LRRC4C: variants seen among roughly 807,000 people sequenced by gnomAD.
The protein encoded by LRRC4C is leucine-rich repeat-containing protein 4C.
A neutral mutation model predicts 33.6 loss-of-function variants in LRRC4C; 5 were observed. The ratio of observed to expected loss-of-function variants is 0.15; its 90% confidence interval spans 0.08 to 0.31. The LOEUF is 0.31. Among genes scored for constraint, LRRC4C ranks in the 10% least tolerant of loss-of-function variants. LRRC4C has a pLI of 1.00. For missense variants in LRRC4C, 560 were observed against 796.7 expected, an observed-to-expected ratio of 0.70 and a Z score of 3.58; for synonymous variants, 329 against 302.0, an observed-to-expected ratio of 1.09 and a Z score of -0.93.
intron 5 of LRRC4C, among the ~76,000 whole-genome samples, chr11:40,240,366 C>T (rs1195214662): frequency 6.6e-6 from 1 of 152,140 alleles, no homozygotes; most frequent in Non-Finnish European, 1.5e-5. Flanking sequence ...ACCTCCATGT[C>T]TAATGGTTTG....
At chr11:40,579,901 G>C (rs1958391147) in intron 3 of LRRC4C, among the ~76,000 whole-genome samples, 1 of 152,118 alleles carries the variant, frequency 6.6e-6, no homozygotes, top group Non-Finnish European at 1.5e-5. Context: ...CCTCACTTCT[G>C]TTCCTTTTAC....
At chr11:41,083,068 C>T (rs1939698018) in intron 1 of LRRC4C, among the ~76,000 whole-genome samples, 1 of 151,934 alleles carries the variant, frequency 6.6e-6, no homozygotes, top group South Asian at 2.1e-4. Context: ...GTTAGGGCAC[C>T]TTTATTCACC....
chr11:41,265,133 A>G (rs1303922495), intron 1 of LRRC4C, among the ~76,000 whole-genome samples: 1 of 152,172 alleles, frequency 6.6e-6, no homozygotes, highest in East Asian at 1.9e-4. Flanking sequence ...GTGACTAAAC[A>G]CCTTAAAGTA....
At chr11:40,725,233 G>T (rs1324826242) in intron 2 of LRRC4C, among the ~76,000 whole-genome samples, 5 of 152,218 alleles carry the variant, frequency 3.3e-5, no homozygotes, top group African/African-American at 1.2e-4. Flanking sequence ...GAGGCCGGGT[G>T]CAGTGGCTCA....
At chr11:41,432,683 G>A (rs1186489328) in intron 1 of LRRC4C, among the ~76,000 whole-genome samples, 2 of 151,942 alleles carry the variant, frequency 1.3e-5, no homozygotes, top group Non-Finnish European at 2.9e-5. Flanking sequence ...CACAGACATG[G>A]AGTCTCCCTA....
chr11:40,804,173 A>G (rs1055367882), intron 2 of LRRC4C, among the ~76,000 whole-genome samples: 1 of 152,132 alleles, frequency 6.6e-6, no homozygotes, highest in Admixed American at 6.6e-5. Flanking sequence ...ATCTTCTCAT[A>G]GACTCCCCTT....
intron 2 of LRRC4C, among the ~76,000 whole-genome samples, chr11:40,883,893 GT>G (rs5791406): frequency 2.0e-3 from 290 of 146,284 alleles, no homozygotes; most frequent in South Asian, 2.2e-3. Context: ...CCATAAGCTA[GT>G]TTTTTTTTTT....
chr11:41,095,298 C>A (rs183936264), intron 1 of LRRC4C, among the ~76,000 whole-genome samples: 1 of 152,234 alleles, frequency 6.6e-6, no homozygotes, highest in East Asian at 1.9e-4. Flanking sequence ...AAAATCCACC[C>A]CCATAATCCA....
intron 2 of LRRC4C, among the ~76,000 whole-genome samples, chr11:40,784,080 T>A (rs1041039454): frequency 6.6e-6 from 1 of 150,688 alleles, no homozygotes; most frequent in East Asian, 1.9e-4. Context: ...AGATGTTTAT[T>A]TATATATATA....
At chr11:40,447,973 T>G (rs1321256843) in intron 3 of LRRC4C, among the ~76,000 whole-genome samples, 2 of 152,148 alleles carry the variant, frequency 1.3e-5, no homozygotes, top group African/African-American at 4.8e-5. Flanking sequence ...CTTGCCACCA[T>G]GGCCAACTAA....
At chr11:41,449,480 A>T (rs1461490677) in intron 1 of LRRC4C, among the ~76,000 whole-genome samples, 1 of 152,160 alleles carries the variant, frequency 6.6e-6, no homozygotes, top group Non-Finnish European at 1.5e-5. Context: ...GAGCAAAAAA[A>T]AATGTCCCTA....
At chr11:40,373,983 A>G (rs959077638) in intron 3 of LRRC4C, among the ~76,000 whole-genome samples, 26 of 152,214 alleles carry the variant, frequency 1.7e-4, no homozygotes, top group African/African-American at 6.3e-4. Context: ...CTAACACCTT[A>G]TCAAAGATGC....
chr11:40,286,179 T>A (rs1342134694), intron 4 of LRRC4C, among the ~76,000 whole-genome samples: 1 of 152,152 alleles, frequency 6.6e-6, no homozygotes, highest in African/African-American at 2.4e-5. Context: ...GATGTATGTA[T>A]GACAAAGTTT....
In LRRC4C at chr11:40,622,413, A is replaced by G. The variant is rs548094209; in HGVS notation, c.-270+25729T>C. ...TCAGACATAAAACCAGTTCCCATGAATCTAGGCTTTTGTCTTCTGCCTCAA... is the reference window on the plus strand; with the variant it reads ...TCAGACATAAAACCAGTTCCCATGAGTCTAGGCTTTTGTCTTCTGCCTCAA... On this transcript the variant is annotated intron_variant, in intron 3 of 6. Transcript: ENST00000528697. Among the ~76,000 whole-genome samples, 5 of 151,942 alleles carry G rather than the reference A, an allele frequency of 3.3e-5. No homozygotes were observed. The Middle Eastern group carries it at 0.01, about 310-fold the overall frequency.
chr11:41,221,066 G>T (rs1240175350), intron 1 of LRRC4C, among the ~76,000 whole-genome samples: 1 of 152,010 alleles, frequency 6.6e-6, no homozygotes. Flanking sequence ...GAGGTTTGTG[G>T]TACAAATTAT....
chr11:41,088,873 A>G (rs1940196361), intron 1 of LRRC4C, among the ~76,000 whole-genome samples: 1 of 152,080 alleles, frequency 6.6e-6, no homozygotes, highest in African/African-American at 2.4e-5. Flanking sequence ...TGCAGAAGGA[A>G]GAGTCTAGAT....
chr11:41,129,319 C>A (rs1376612148), intron 1 of LRRC4C, among the ~76,000 whole-genome samples: 2 of 151,900 alleles, frequency 1.3e-5, no homozygotes. Flanking sequence ...TCCCAAACCC[C>A]ATATATTGGT....
intron 1 of LRRC4C, among the ~76,000 whole-genome samples, chr11:41,170,762 A>C (rs1486489110): frequency 3.3e-5 from 5 of 152,220 alleles, no homozygotes; most frequent in Admixed American, 6.5e-5. Flanking sequence ...AATGGGATCT[A>C]ATTAAACTAA....
chr11:40,861,886 C>G (rs1034375315), intron 2 of LRRC4C, among the ~76,000 whole-genome samples: 3 of 152,122 alleles, frequency 2.0e-5, no homozygotes, highest in African/African-American at 7.2e-5. Flanking sequence ...ACAAACAGTT[C>G]TCAGCGTAAC....
Sources: allele counts gnomAD v4.1 joint callset (sites outside exome capture counted in the v4.1 genomes callset), GRCh38; gene constraint gnomAD v4.1.1; transcripts MANE v1.5; gene names NCBI Gene and HGNC (gene_info 2026-07-23, HGNC 2026-07-21).